FRMD4A: variants seen among roughly 807,000 people sequenced by gnomAD.
FRMD4A encodes the protein FERM domain containing 4A, also known as FERM domain-containing protein 4A.
FRMD4A carries 29 observed loss-of-function variants against 129.1 expected under a neutral mutation model. The observed-to-expected ratio is 0.22, with a 90% confidence interval of 0.17 to 0.31. The LOEUF is 0.31. FRMD4A is among the 10% of genes least tolerant of loss of function. FRMD4A has a pLI of 1.00. For missense variants in FRMD4A, 1,272 were observed against 1,375.8 expected (o/e 0.92, Z 1.19); for synonymous variants, 634 against 571.6 (o/e 1.11, Z -1.56).
At chr10:14,020,192 G>A (rs72776624) in intron 2 of FRMD4A, among the ~76,000 whole-genome samples, 3,349 of 152,298 alleles carry the variant, frequency 0.022, 60 homozygotes, top group East Asian at 0.082. Flanking sequence ...GCTTGTGCAC[G>A]CGAACATGTG....
chr10:13,926,644 A>T (rs1227959811), intron 2 of FRMD4A, among the ~76,000 whole-genome samples: 1 of 152,192 alleles, frequency 6.6e-6, no homozygotes, highest in East Asian at 1.9e-4. Context: ...TGATTGTAGT[A>T]AGACAGGACA....
intron 2 of FRMD4A, among the ~76,000 whole-genome samples, chr10:13,873,415 C>A (rs1295571543): frequency 6.6e-6 from 1 of 152,126 alleles, no homozygotes; most frequent in Non-Finnish European, 1.5e-5. Flanking sequence ...AGGATGTGTG[C>A]TGGAGAACTC....
intron 2 of FRMD4A, among the ~76,000 whole-genome samples, chr10:14,093,305 ATTTTAGTGTCTT>A (rs1387961630): frequency 6.6e-6 from 1 of 152,220 alleles, no homozygotes; most frequent in Non-Finnish European, 1.5e-5. Flanking sequence ...GTGCACTAAG[ATTTTAGTGTCTT>A]TTAATAAATT....
At chr10:13,865,968 C>A (rs2094362140) in intron 2 of FRMD4A, among the ~76,000 whole-genome samples, 1 of 152,054 alleles carries the variant, frequency 6.6e-6, no homozygotes, top group African/African-American at 2.4e-5. Context: ...CACAGGCCTG[C>A]CAAAACATTT....
intron 3 of FRMD4A, among the ~76,000 whole-genome samples, chr10:13,856,217 AGTGTGTGTGTGTGTGT>A (rs36225405): frequency 0.17 from 24,894 of 145,878 alleles, 2,345 homozygotes; most frequent in East Asian, 0.41. Flanking sequence ...ATTTTGTGCA[AGTGTGTGTGTGTGTGT>A]GTGTGTGTGT....
chr10:14,269,473 C>T (rs1845086563), intron 2 of FRMD4A, among the ~76,000 whole-genome samples: 3 of 152,196 alleles, frequency 2.0e-5, no homozygotes, highest in Non-Finnish European at 4.4e-5. Context: ...CCTTTCCCAG[C>T]TTCTAGAGGC....
At chr10:13,967,363 T>C (rs1588609861) in intron 2 of FRMD4A, among the ~76,000 whole-genome samples, 1 of 150,696 alleles carries the variant, frequency 6.6e-6, no homozygotes, top group Non-Finnish European at 1.5e-5. Context: ...AATGACACAA[T>C]GGACTTTGGG....
intron 2 of FRMD4A, among the ~76,000 whole-genome samples, chr10:14,191,802 T>C (rs201010574): frequency 9.1e-6 from 1 of 110,090 alleles, no homozygotes; most frequent in African/African-American, 2.8e-5. Context: ...CTGTTTTTTT[T>C]TTTTCTCTCT....
rs994951374 is a variant in FRMD4A at position 14,016,995 on chromosome 10, C to T, written c.46-158083G>A. Among the ~76,000 whole-genome samples the T allele has an allele frequency of 6.6e-5, 10 of 152,204 alleles. No individual in the cohort carries two copies. The East Asian group carries it at 1.9e-3, about 29-fold the overall frequency. On this transcript the variant is annotated intron_variant, in intron 2 of 24. Transcript: ENST00000357447. ...TCACAAGCTGCAGATGGATTTTATG[C>T]CTCCACACGAAGGTCCTTCACATCT...
intron 2 of FRMD4A, among the ~76,000 whole-genome samples, chr10:13,865,839 C>A (rs1382778377): frequency 2.0e-5 from 3 of 152,116 alleles, no homozygotes; most frequent in Non-Finnish European, 4.4e-5. Flanking sequence ...AGTCAATTGA[C>A]ACCTGTATTC....
intron 2 of FRMD4A, among the ~76,000 whole-genome samples, chr10:14,250,360 A>G (rs372873620): frequency 6.6e-6 from 1 of 152,366 alleles, no homozygotes; most frequent in African/African-American, 2.4e-5. Flanking sequence ...GAGGAAGCAT[A>G]GAATAGCAGG....
chr10:14,047,616 A>G (rs2131681682), intron 2 of FRMD4A, among the ~76,000 whole-genome samples: 1 of 152,320 alleles, frequency 6.6e-6, no homozygotes. Flanking sequence ...CCCAAAGAAG[A>G]GCCCCATTGT....
At chr10:14,321,169 G>T (rs1843032542) in intron 2 of FRMD4A, among the ~76,000 whole-genome samples, 1 of 152,076 alleles carries the variant, frequency 6.6e-6, no homozygotes, top group South Asian at 2.1e-4. Context: ...GTGTCCAGAA[G>T]AGAGTATGTG....
In FRMD4A at chr10:13,920,803, T is replaced by A. The variant is rs556619890; in HGVS notation, c.46-61891A>T. Among the ~76,000 whole-genome samples, 19 of 151,860 alleles carry A rather than the reference T, an allele frequency of 1.3e-4. 1 individual carries two copies. The South Asian group carries it at 3.9e-3, about 31-fold the overall frequency. ...TGGGCTTGAAAGCCAATTTTTGTAT[T>A]CAAATCTTTGCTTTTATTATTTTTT... On this transcript the variant is annotated intron_variant, in intron 2 of 24. Transcript: ENST00000357447.
chr10:14,202,097 C>A (rs1010514238), intron 2 of FRMD4A, among the ~76,000 whole-genome samples: 1 of 151,498 alleles, frequency 6.6e-6, no homozygotes, highest in Non-Finnish European at 1.5e-5. Context: ...GAGATCGTGC[C>A]ATTGTACTCC....
intron 6 of FRMD4A, among the ~76,000 whole-genome samples, chr10:13,767,248 A>AT (rs981494391): frequency 6.6e-5 from 10 of 151,148 alleles, no homozygotes; most frequent in Non-Finnish European, 1.0e-4. Context: ...CTTTTCATTT[A>AT]TTTTTTTTGA....
chr10:13,876,623 T>A (rs934332776), intron 2 of FRMD4A, among the ~76,000 whole-genome samples: 28 of 152,108 alleles, frequency 1.8e-4, no homozygotes, highest in African/African-American at 3.1e-4. Flanking sequence ...AATGAAATTT[T>A]AAAAAAATTT....
intron 2 of FRMD4A, among the ~76,000 whole-genome samples, chr10:14,241,087 T>C (rs1844025861): frequency 6.6e-6 from 1 of 152,230 alleles, no homozygotes; most frequent in Admixed American, 6.5e-5. Flanking sequence ...ATTAATTCCA[T>C]CTACATAGGG....
intron 3 of FRMD4A, among the ~76,000 whole-genome samples, chr10:13,849,333 C>T (rs1038928117): frequency 1.3e-4 from 20 of 152,304 alleles, no homozygotes; most frequent in African/African-American, 4.8e-4. Context: ...GAGCACGCCT[C>T]GGTAGATGGC....
Sources: allele counts gnomAD v4.1 joint callset (sites outside exome capture counted in the v4.1 genomes callset), GRCh38; gene constraint gnomAD v4.1.1; transcripts MANE v1.5; gene names NCBI Gene and HGNC (gene_info 2026-07-23, HGNC 2026-07-21).